The following NRG3 variants were observed in gnomAD, a reference collection of about 807,000 sequenced individuals.
The protein encoded by NRG3 is neuregulin 3, also known as pro-neuregulin-3, membrane-bound isoform.
In NRG3, 31 loss-of-function variants were observed where a neutral mutation model predicts 66.9. The ratio of observed to expected loss-of-function variants is 0.46; its 90% confidence interval spans 0.35 to 0.63. The LOEUF (loss-of-function observed/expected upper bound fraction) is 0.63, where lower values mean the gene tolerates loss of function less well. NRG3 is among the 20% of genes least tolerant of loss of function. NRG3 has a pLI of 0.00. For synonymous variants in NRG3, 393 were observed against 359.4 expected (o/e 1.09, Z -1.06); for missense variants, 910 against 878.9 (o/e 1.04, Z -0.45).
intron 1 of NRG3, among the ~76,000 whole-genome samples, chr10:82,010,229 G>T (rs2061524085): frequency 6.6e-6 from 1 of 152,104 alleles, no homozygotes; most frequent in African/African-American, 2.4e-5. Context: ...CCTTGGAGTG[G>T]GTAAGCCATT....
chr10:82,744,660 A>G (rs543344842), intron 3 of NRG3, among the ~76,000 whole-genome samples: 1 of 152,268 alleles, frequency 6.6e-6, no homozygotes, highest in South Asian at 2.1e-4. Context: ...TACAGACTAC[A>G]AAGGACGTAA....
At chr10:82,475,165 A>C (rs10736201) in intron 2 of NRG3, among the ~76,000 whole-genome samples, 143,347 of 151,934 alleles carry the variant, frequency 0.94, 67,717 homozygotes, top group African/African-American at 0.99. Flanking sequence ...TAAATGAAAC[A>C]ATGAGTTGGT....
chr10:82,610,269 A>C (rs1276739697), intron 2 of NRG3, among the ~76,000 whole-genome samples: 2 of 152,130 alleles, frequency 1.3e-5, no homozygotes, highest in East Asian at 3.9e-4. Context: ...CAAACTCTCT[A>C]CTTTAGGATC....
At chr10:82,822,244 C>A (rs891957467) in intron 3 of NRG3, among the ~76,000 whole-genome samples, 4 of 152,176 alleles carry the variant, frequency 2.6e-5, no homozygotes, top group Middle Eastern at 3.4e-3. Flanking sequence ...TGCTTCAGCA[C>A]CACATTCCAG....
At chr10:82,498,565 C>T (rs997869790) in intron 2 of NRG3, among the ~76,000 whole-genome samples, 1 of 152,072 alleles carries the variant, frequency 6.6e-6, no homozygotes, top group Admixed American at 6.6e-5. Context: ...TTGCTTTTCA[C>T]CTTTGAAATT....
chr10:82,939,527 A>G (rs1390467434), intron 4 of NRG3, among the ~76,000 whole-genome samples: 1 of 151,900 alleles, frequency 6.6e-6, no homozygotes, highest in African/African-American at 2.4e-5. Flanking sequence ...GCTGGAGTGC[A>G]GTGGTGCAAT....
At chr10:82,001,409 A>G (rs2061161534) in intron 1 of NRG3, among the ~76,000 whole-genome samples, 1 of 152,088 alleles carries the variant, frequency 6.6e-6, no homozygotes. Flanking sequence ...AGGCTGAGGC[A>G]GGAGAATTGC....
chr10:82,739,397 G>A lies in NRG3; in HGVS notation c.1027+747G>A, dbSNP rs959031923. 4.3e-4 allele frequency among the ~76,000 whole-genome samples: 66 copies of A among 152,172 alleles called. 1 individual carries two copies. Among genetic ancestry groups the A allele is most frequent in the Non-Finnish European group, 1.6e-4 (11 of 68,034 alleles). ...AAATGGGGATTTTCATTGAATCAGC[G>A]ATTTAGTTTAGTGAGGATAATGATA... On this transcript the variant is annotated intron_variant, in intron 3 of 8. Transcript: ENST00000372141.
chr10:82,386,047 T>C (rs577810735), intron 2 of NRG3, among the ~76,000 whole-genome samples: 68 of 152,146 alleles, frequency 4.5e-4, no homozygotes, highest in Non-Finnish European at 8.2e-4. Flanking sequence ...GAAATCACTT[T>C]TCCATGAGGC....
chr10:82,335,990 C>G (rs907532791), intron 1 of NRG3, among the ~76,000 whole-genome samples: 1 of 152,124 alleles, frequency 6.6e-6, no homozygotes, highest in Non-Finnish European at 1.5e-5. Flanking sequence ...CACAACTACT[C>G]AACTCATTGC....
At chr10:82,020,071 A>G (rs972397304) in intron 1 of NRG3, among the ~76,000 whole-genome samples, 1 of 152,060 alleles carries the variant, frequency 6.6e-6, no homozygotes, top group Non-Finnish European at 1.5e-5. Context: ...TCTTGTGGGC[A>G]TTTACTGCTA....
intron 2 of NRG3, among the ~76,000 whole-genome samples, chr10:82,653,720 A>C (rs2051619134): frequency 6.6e-6 from 1 of 151,750 alleles, no homozygotes; most frequent in African/African-American, 2.4e-5. Context: ...ATAGGAACAG[A>C]GGGGGAAAGC....
intron 1 of NRG3, among the ~76,000 whole-genome samples, chr10:82,115,358 C>A (rs541174486): frequency 5.1e-4 from 78 of 152,216 alleles, no homozygotes; most frequent in African/African-American, 1.9e-3. Flanking sequence ...TAGAGCAGAA[C>A]CAAATTATGT....
chr10:82,403,276 T>C (rs1279001458), intron 2 of NRG3, among the ~76,000 whole-genome samples: 1 of 152,176 alleles, frequency 6.6e-6, no homozygotes, highest in Non-Finnish European at 1.5e-5. Context: ...TTTCACAGTC[T>C]TCGGGAATAG....
intron 1 of NRG3, among the ~76,000 whole-genome samples, chr10:82,122,339 T>C (rs1263672745): frequency 6.6e-6 from 1 of 152,194 alleles, no homozygotes; most frequent in African/African-American, 2.4e-5. Flanking sequence ...GCATTTGGTT[T>C]GCTGCTGGCA....
rs190264801 is a variant in NRG3 at position 82,952,408 on chromosome 10, C to T, written c.1157+837C>T. 1.2e-3 allele frequency among the ~76,000 whole-genome samples: 165 copies of T among 134,746 alleles called. 3 individuals carry two copies. The highest frequency in any genetic ancestry group is 4.2e-3 in the African/African-American group (154 of 36,766). The allele number at this position is 134,746 out of a possible 152,430, so 88.4% of individuals were successfully genotyped here. On this transcript the variant is annotated intron_variant, in intron 5 of 8. Transcript: ENST00000372141. ...AGATCACACTGCTACACTGCAGCCT[C>T]GGGGACAGAGTTGTCTCAAAAAAAA...
intron 2 of NRG3, among the ~76,000 whole-genome samples, chr10:82,509,704 T>A (rs1464161528): frequency 6.6e-6 from 1 of 152,192 alleles, no homozygotes; most frequent in Admixed American, 6.5e-5. Flanking sequence ...TTGTCACTGA[T>A]TTACATGTGA....
chr10:82,166,657 T>A, intron 1 of NRG3: 1 of 439,922 alleles, frequency 2.3e-6, no homozygotes, highest in Non-Finnish European at 4.0e-6. Context: ...CATATATATG[T>A]ATATATAGAA....
intron 1 of NRG3, among the ~76,000 whole-genome samples, chr10:82,138,120 C>T (rs1361243762): frequency 6.6e-6 from 1 of 152,056 alleles, no homozygotes; most frequent in Non-Finnish European, 1.5e-5. Context: ...TCCTGTTTAT[C>T]TATGATTTTC....
Sources: gnomAD v4.1 joint callset for allele counts (sites outside exome capture counted in the v4.1 genomes callset) on GRCh38, gnomAD v4.1.1 for gene constraint, MANE v1.5 for transcripts, NCBI Gene and HGNC (gene_info 2026-07-23, HGNC 2026-07-21) for gene names.